SORCS1: variants seen among roughly 807,000 people sequenced by gnomAD.
SORCS1 encodes VPS10 domain-containing receptor SorCS1.
In SORCS1, 60 loss-of-function variants were observed where a neutral mutation model predicts 146.1. The ratio of observed to expected loss-of-function variants is 0.41; its 90% CI spans 0.33 to 0.51. SORCS1 has a LOEUF of 0.51. Ranked by LOEUF, SORCS1 falls within the 20% of genes least tolerant of loss-of-function variation. The pLI, the probability that SORCS1 is intolerant of heterozygous loss-of-function variation, is 0.21. For synonymous variants in SORCS1, 637 were observed against 584.0 expected (o/e 1.09, Z -1.31); for missense variants, 1,352 against 1,487.6 (o/e 0.91, Z 1.50).
intron 1 of SORCS1, among the ~76,000 whole-genome samples, chr10:106,959,143 T>C (rs372786854): frequency 3.3e-5 from 5 of 152,300 alleles, no homozygotes; most frequent in African/African-American, 1.2e-4. Context: ...ACAGAAATTG[T>C]TTAAGCAATC....
At chr10:107,154,642 A>G (rs543815480) in intron 1 of SORCS1, among the ~76,000 whole-genome samples, 12 of 152,326 alleles carry the variant, frequency 7.9e-5, no homozygotes, top group African/African-American at 2.9e-4. Flanking sequence ...CAGTGCCCCA[A>G]TCTTCAATTT....
intron 1 of SORCS1, among the ~76,000 whole-genome samples, chr10:107,003,640 T>C (rs1462174616): frequency 3.9e-5 from 6 of 152,200 alleles, no homozygotes; most frequent in Non-Finnish European, 8.8e-5. Context: ...TGTTGTACTG[T>C]AATCCTTAGG....
At chr10:106,688,534 G>T (rs940742375) in intron 9 of SORCS1, among the ~76,000 whole-genome samples, 196 bp from the exon 10 acceptor site, 1 of 152,128 alleles carries the variant, frequency 6.6e-6, no homozygotes, top group African/African-American at 2.4e-5. Context: ...ACAGATTGGT[G>T]ATCCTTATCA....
At chr10:106,613,078 G>A (rs772589747) in intron 21 of SORCS1, among the ~76,000 whole-genome samples, 2 of 151,904 alleles carry the variant, frequency 1.3e-5, no homozygotes, top group Non-Finnish European at 2.9e-5. Flanking sequence ...TAGGATTATG[G>A]AATAATTATT....
At chr10:107,113,078 T>C (rs768468475) in intron 1 of SORCS1, among the ~76,000 whole-genome samples, 1 of 152,190 alleles carries the variant, frequency 6.6e-6, no homozygotes, top group Non-Finnish European at 1.5e-5. Context: ...GCACATGAAC[T>C]TTCTCCATGA....
intron 3 of SORCS1, among the ~76,000 whole-genome samples, chr10:106,827,833 A>G (rs374303365): frequency 2.6e-5 from 4 of 152,214 alleles, no homozygotes; most frequent in African/African-American, 4.8e-5. Context: ...ACCCACAGCT[A>G]TATCAATTTA....
At chr10:106,796,360 A>G (rs1946551844) in intron 3 of SORCS1, among the ~76,000 whole-genome samples, 1 of 152,178 alleles carries the variant, frequency 6.6e-6, no homozygotes, top group Admixed American at 6.5e-5. Flanking sequence ...TTCTAAATCT[A>G]AGATCAGAAA....
intron 1 of SORCS1, among the ~76,000 whole-genome samples, chr10:106,987,799 C>G (rs944070205): frequency 2.0e-5 from 3 of 152,082 alleles, no homozygotes; most frequent in African/African-American, 7.2e-5. Flanking sequence ...AAATAACAAC[C>G]CTGTCTTTTT....
intron 1 of SORCS1, among the ~76,000 whole-genome samples, chr10:106,996,317 T>C (rs1290500193): frequency 6.6e-6 from 1 of 151,750 alleles, no homozygotes; most frequent in Non-Finnish European, 1.5e-5. Context: ...CAACTGAGCC[T>C]CTATACAAGG....
intron 14 of SORCS1, among the ~76,000 whole-genome samples, chr10:106,674,489 A>G (rs1851876943): frequency 6.6e-6 from 1 of 151,820 alleles, no homozygotes; most frequent in Non-Finnish European, 1.5e-5. Flanking sequence ...AAAGGAAGGA[A>G]CTCTCACAGT....
intron 1 of SORCS1, among the ~76,000 whole-genome samples, chr10:107,032,329 G>A (rs1958694398): frequency 6.6e-6 from 1 of 152,138 alleles, no homozygotes. Context: ...AGCCTTGAGG[G>A]CTGAAATTAG....
intron 1 of SORCS1, among the ~76,000 whole-genome samples, chr10:107,023,024 C>T (rs540614955): frequency 6.6e-6 from 1 of 152,208 alleles, no homozygotes; most frequent in South Asian, 2.1e-4. Context: ...TGTTCAGAGA[C>T]GATAAGTGGT....
chr10:106,884,063 C>T (rs886418313), intron 2 of SORCS1, among the ~76,000 whole-genome samples: 6 of 152,156 alleles, frequency 3.9e-5, no homozygotes, highest in Non-Finnish European at 8.8e-5. Context: ...CTGTAAACTA[C>T]TTAGCATCTG....
chr10:106,632,526 A>G (rs1357003721), intron 18 of SORCS1, among the ~76,000 whole-genome samples: 1 of 152,198 alleles, frequency 6.6e-6, no homozygotes, highest in East Asian at 1.9e-4. Context: ...ATAACTATTG[A>G]GTAGACATAC....
intron 6 of SORCS1, among the ~76,000 whole-genome samples, chr10:106,718,446 T>A (rs1181551654): frequency 6.6e-6 from 1 of 152,196 alleles, no homozygotes; most frequent in Non-Finnish European, 1.5e-5. Flanking sequence ...CTTCAGATGT[T>A]CAGATGTGTC....
chr10:107,151,187 T>G (rs1195865600), intron 1 of SORCS1, among the ~76,000 whole-genome samples: 3 of 152,104 alleles, frequency 2.0e-5, no homozygotes, highest in African/African-American at 7.2e-5. Context: ...TCCTAGAGAA[T>G]TGGAGGGCTC....
At chr10:106,934,569 T>C (rs1233413190) in intron 2 of SORCS1, among the ~76,000 whole-genome samples, 1 of 152,064 alleles carries the variant, frequency 6.6e-6, no homozygotes, top group Non-Finnish European at 1.5e-5. Flanking sequence ...AGTATGGAGA[T>C]TTTTTAAAGA....
intron 1 of SORCS1, among the ~76,000 whole-genome samples, chr10:106,963,502 T>C (rs1056108435): frequency 2.6e-5 from 4 of 152,226 alleles, no homozygotes; most frequent in Non-Finnish European, 5.9e-5. Context: ...AAAATATGCA[T>C]GTTCCAGATT....
chr10:106,966,779 G>T (rs1040428272), intron 1 of SORCS1, among the ~76,000 whole-genome samples: 1 of 152,162 alleles, frequency 6.6e-6, no homozygotes, highest in African/African-American at 2.4e-5. Flanking sequence ...TGAGTTGCAG[G>T]ACTCTTCCTG....
Sources: gnomAD v4.1 joint callset for allele counts (sites outside exome capture counted in the v4.1 genomes callset) on GRCh38, gnomAD v4.1.1 for gene constraint, MANE v1.5 for transcripts, NCBI Gene and HGNC (gene_info 2026-07-23, HGNC 2026-07-21) for gene names.